The following APBA1 variants were observed in gnomAD, a reference collection of about 807,000 sequenced individuals.
The protein encoded by APBA1 is amyloid-beta A4 precursor protein-binding family A member 1.
In APBA1, 55 loss-of-function variants were observed where a neutral mutation model predicts 86.6. The ratio of observed to expected loss-of-function variants is 0.64; its 90% CI spans 0.51 to 0.80. The LOEUF (loss-of-function observed/expected upper bound fraction) is 0.80, where lower values mean the gene tolerates loss of function less well. Among genes scored for constraint, APBA1 ranks in the 30% least tolerant of loss-of-function variants. The probability of loss-of-function intolerance (pLI) is 0.00; values close to 1 mark genes in which losing one functional copy is unlikely to be tolerated. For synonymous variants in APBA1, 511 were observed against 493.9 expected, an observed-to-expected ratio of 1.03 and a Z score of -0.46; for missense variants, 1,090 against 1,183.0, an observed-to-expected ratio of 0.92 and a Z score of 1.15.
chr9:69,571,958 C>T (rs1837121315), intron 1 of APBA1, among the ~76,000 whole-genome samples: 1 of 152,222 alleles, frequency 6.6e-6, no homozygotes, highest in Admixed American at 6.5e-5. Flanking sequence ...ATGTTCTGAT[C>T]AGAATCCTGC....
At chr9:69,497,824 C>T (rs949439932) in intron 2 of APBA1, among the ~76,000 whole-genome samples, 7 of 152,102 alleles carry the variant, frequency 4.6e-5, no homozygotes, top group Non-Finnish European at 7.3e-5. Context: ...TCGGTCACTT[C>T]GGGATCTGCA....
At chr9:69,471,536 A>T in intron 4 of APBA1, 120 bp downstream of exon 4, 1 of 816,120 alleles carries the variant, frequency 1.2e-6, no homozygotes, top group Non-Finnish European at 2.1e-6. Flanking sequence ...TAACATTGTG[A>T]ATAAGTGACT....
chr9:69,615,626 G>A (rs539785273), intron 1 of APBA1, among the ~76,000 whole-genome samples: 7 of 152,260 alleles, frequency 4.6e-5, no homozygotes, highest in Non-Finnish European at 8.8e-5. Flanking sequence ...TGTCATCAAT[G>A]TAAAGATAAA....
rs181712020 is a variant in APBA1 at position 69,638,751 on chromosome 9, C to T, written c.-70+33402G>A. On this transcript the variant is annotated intron_variant, in intron 1 of 12. Transcript: ENST00000265381. The stretch of plus-strand genomic sequence containing the variant: ...AAGATAAAGTTGGTGTCTGTCTAGG[C>T]AAGTATATGCAAAATCTTTTTCTTT... Among the ~76,000 whole-genome samples, 8 of 152,216 alleles carry T rather than the reference C, an allele frequency of 5.3e-5. No individual in the cohort carries two copies. In the East Asian group the frequency reaches 1.5e-3, roughly 29 times the overall value.
intron 1 of APBA1, among the ~76,000 whole-genome samples, chr9:69,601,626 T>A (rs1437604176): frequency 6.6e-6 from 1 of 152,228 alleles, no homozygotes; most frequent in East Asian, 1.9e-4. Context: ...AACAGATTCA[T>A]AGGGACTTTA....
chr9:69,470,715 C>T (rs952010301), intron 4 of APBA1, among the ~76,000 whole-genome samples: 2 of 152,170 alleles, frequency 1.3e-5, no homozygotes, highest in Non-Finnish European at 2.9e-5. Flanking sequence ...AGAGAGATGT[C>T]TGGGCGTTCT....
chr9:69,580,591 G>A (rs1262319526), intron 1 of APBA1, among the ~76,000 whole-genome samples: 1 of 152,136 alleles, frequency 6.6e-6, no homozygotes, highest in Non-Finnish European at 1.5e-5. Flanking sequence ...TCCTCATGGT[G>A]GTATGACATT....
At chr9:69,639,210 A>C (rs1035739637) in intron 1 of APBA1, among the ~76,000 whole-genome samples, 2 of 152,148 alleles carry the variant, frequency 1.3e-5, no homozygotes, top group African/African-American at 4.8e-5. Context: ...AAGTTGTATT[A>C]GTCTATGTGA....
intron 1 of APBA1, among the ~76,000 whole-genome samples, chr9:69,620,866 G>A (rs957208872): frequency 6.6e-6 from 1 of 152,126 alleles, no homozygotes; most frequent in African/African-American, 2.4e-5. Flanking sequence ...GCGGTCACAC[G>A]AAGGAGCTGC....
At chr9:69,476,022 G>A (rs1694443625) in intron 3 of APBA1, 26 bp downstream of exon 3, 1 of 1,594,732 alleles carries the variant, frequency 6.3e-7, no homozygotes. Context: ...TGGCCCAATG[G>A]CTTTGGTAAC....
chr9:69,449,757 C>T lies in APBA1; in HGVS notation c.2008G>A (p.Val670Met), dbSNP rs767254404. 2.0e-5 allele frequency: 32 copies of T among 1,613,824 alleles called. No individual in the cohort carries two copies. In the South Asian group the frequency reaches 3.2e-4, roughly 16 times the overall value. The change falls in exon 10 of 13, where the codon GTG (valine) becomes ATG (methionine). Residue 670 changes from valine to methionine, a missense_variant. Physicochemically the swap from Val to Met is conservative, Grantham distance 21. Around this residue, in one of 6 missense-constraint regions of APBA1, gnomAD observed 97 missense variants for 166.8 expected, o/e 0.58. Coordinates refer to ENST00000265381, the MANE Select transcript of APBA1 (RefSeq NM_001163.4). ...GATCCCCAGCCAGACTCCACAATCA[C>T]CACACCTAGGATTTCTCCTTTCTGC... ...EKQKGEILGV[V>M]IVESGWGSIL...
At chr9:69,650,440 T>C (rs772882671) in intron 1 of APBA1, among the ~76,000 whole-genome samples, 25 of 152,332 alleles carry the variant, frequency 1.6e-4, no homozygotes, top group African/African-American at 5.1e-4. Context: ...ATGAAGATGT[T>C]AAAATTAAAA....
chr9:69,477,124 T>C (rs1354033795), intron 2 of APBA1, among the ~76,000 whole-genome samples: 2 of 152,118 alleles, frequency 1.3e-5, no homozygotes, highest in African/African-American at 2.4e-5. Context: ...GGAGCCAAGA[T>C]GGCCGAATAG....
intron 1 of APBA1, among the ~76,000 whole-genome samples, chr9:69,646,096 G>A (rs2134011988): frequency 1.3e-5 from 2 of 152,278 alleles, no homozygotes; most frequent in African/African-American, 4.8e-5. Flanking sequence ...GTTTTATTTT[G>A]ATAAGCACCC....
intron 11 of APBA1, among the ~76,000 whole-genome samples, chr9:69,440,393 G>GAGGC (rs937225617): frequency 6.6e-6 from 1 of 152,090 alleles, no homozygotes; most frequent in African/African-American, 2.4e-5. Flanking sequence ...GGAGCCTACA[G>GAGGC]AGGCAGGCAG....
intron 2 of APBA1, among the ~76,000 whole-genome samples, chr9:69,489,875 T>C (rs893302062): frequency 1.3e-5 from 2 of 152,162 alleles, no homozygotes; most frequent in African/African-American, 2.4e-5. Flanking sequence ...ACACTGTTGG[T>C]GGGACTATAA....
At chr9:69,575,659 G>C (rs1475336567) in intron 1 of APBA1, among the ~76,000 whole-genome samples, 1 of 152,168 alleles carries the variant, frequency 6.6e-6, no homozygotes, top group Non-Finnish European at 1.5e-5. Flanking sequence ...GCCATATGTA[G>C]AAAGCTGAAA....
At chr9:69,494,799 T>C (rs79929712) in intron 2 of APBA1, among the ~76,000 whole-genome samples, 6,814 of 152,248 alleles carry the variant, frequency 0.045, 541 homozygotes, top group African/African-American at 0.15. Context: ...AGATTTGCTG[T>C]AATAGCACAC....
rs145792150 is a variant in APBA1 at position 69,671,356 on chromosome 9, T to C, written c.-70+797A>G. 2.1e-3 allele frequency among the ~76,000 whole-genome samples: 326 copies of C among 152,252 alleles called. 1 individual carries two copies. The highest frequency in any genetic ancestry group is 7.3e-3 in the African/African-American group (305 of 41,532). On this transcript the variant is annotated intron_variant, in intron 1 of 12. Transcript: ENST00000265381. ...GGTACATTAGCAAGCCCAGAATGTG[T>C]AACGGTTATCCTATTTCCCTGCCAT...
Sources: allele counts gnomAD v4.1 joint callset (sites outside exome capture counted in the v4.1 genomes callset), GRCh38; gene constraint gnomAD v4.1.1; regional missense constraint gnomAD v4.1.1; transcripts MANE v1.5; gene names NCBI Gene and HGNC (gene_info 2026-07-23, HGNC 2026-07-21).